Variants in TLL2 observed in about 807,000 individuals in gnomAD.
TLL2 encodes tolloid like 2, also known as tolloid-like protein 2.
Under a neutral mutation model 123.0 loss-of-function variants are expected in TLL2, and 106 were observed. The observed-to-expected ratio is 0.86, with a 90% CI of 0.74 to 1.01. The LOEUF is 1.01. Ranked by LOEUF, TLL2 falls within the 50% of genes least tolerant of loss-of-function variation. The pLI is 0.00. For missense variants in TLL2, 1,332 were observed against 1,336.7 expected, an observed-to-expected ratio of 1.00 and a Z score of 0.06; for synonymous variants, 494 against 516.8, an observed-to-expected ratio of 0.96 and a Z score of 0.60.
intron 5 of TLL2, among the ~76,000 whole-genome samples, chr10:96,427,857 G>A (rs1312329677): frequency 6.6e-6 from 1 of 152,056 alleles, no homozygotes; most frequent in Non-Finnish European, 1.5e-5. Context: ...TGCAATGGCG[G>A]GATCTCGGCT....
At chr10:96,373,849 G>A (rs763557779) in intron 18 of TLL2, 40 bp from the exon 19 acceptor site, 23 of 1,588,128 alleles carry the variant, frequency 1.4e-5, no homozygotes, top group Admixed American at 3.4e-5. Context: ...AGGGCCTGGC[G>A]TTCAGCTGGG....
Position 96,375,332 on chromosome 10 carries a change from C to A in TLL2, c.2448+1360G>T, listed in dbSNP as rs146732845. 3 of 152,318 alleles carry A rather than the reference C, an allele frequency of 2.0e-5. No homozygotes were observed. The East Asian group carries it at 5.8e-4, about 29-fold the overall frequency. 9.4% of individuals were successfully genotyped at this position (152,318 alleles called of 1,614,324 possible). A position where few individuals can be genotyped will look rare whatever the true frequency, so the allele number is the denominator to read the frequency against. On this transcript the variant is annotated intron_variant, in intron 18 of 20. Transcript: ENST00000357947. ...ACATTCTATGGTAGCGAAAAGCGCG[C>A]AATCAATATAGCCACCATCCGTTTC...
chr10:96,415,729 G>GTC (rs149968045), intron 7 of TLL2, among the ~76,000 whole-genome samples: 12 of 8,568 alleles, frequency 1.4e-3, no homozygotes, highest in Non-Finnish European at 1.5e-3. Context: ...CTCTCTCTCT[G>GTC]TCTCTCTCTG....
intron 6 of TLL2, among the ~76,000 whole-genome samples, chr10:96,421,293 C>T (rs903457640): frequency 6.6e-6 from 1 of 152,176 alleles, no homozygotes; most frequent in Non-Finnish European, 1.5e-5. Context: ...CCAAATGCCA[C>T]TCAAACCTCT....
intron 3 of TLL2, among the ~76,000 whole-genome samples, chr10:96,436,324 G>A (rs11817260): frequency 0.011 from 1,650 of 152,240 alleles, 31 homozygotes; most frequent in African/African-American, 0.037. Flanking sequence ...GCCTTCCTTG[G>A]TAAGCTAATA....
chr10:96,378,535 C>T (rs1846157893), intron 17 of TLL2, among the ~76,000 whole-genome samples: 1 of 152,216 alleles, frequency 6.6e-6, no homozygotes, highest in Admixed American at 6.5e-5. Flanking sequence ...GAGGACATAA[C>T]ATGTGTCAGA....
rs186578004 is a variant in TLL2, at chr10:96,492,107, A to G, written c.176-11648T>C. ...CTTTTCTCCATTGACAGCAGAAGCA[A>G]GCAGCACTCACTGTGTCCCTGGGAC... On this transcript the variant is annotated intron_variant, in intron 1 of 20. Coordinates refer to ENST00000357947, the MANE Select transcript of TLL2 (RefSeq NM_012465.4). Among the ~76,000 whole-genome samples the G allele has an allele frequency of 1.8e-3, 274 of 152,194 alleles. 2 individuals are homozygous for G. Among genetic ancestry groups the G allele is most frequent in the South Asian group, 2.9e-3 (14 of 4,826 alleles).
At chr10:96,397,391 AC>A in intron 10 of TLL2, 89 bp from the exon 11 acceptor site, 1 of 1,027,224 alleles carries the variant, frequency 9.7e-7, no homozygotes, top group Non-Finnish European at 1.4e-6. Flanking sequence ...GGTTCTTCAC[AC>A]GTGGTTTGAA....
intron 13 of TLL2, among the ~76,000 whole-genome samples, chr10:96,392,855 A>C (rs889953853): frequency 6.6e-6 from 1 of 152,178 alleles, no homozygotes. Context: ...TAAATGAAGG[A>C]TCTTGGAGAT....
chr10:96,386,269 T>G (rs1846234527), intron 14 of TLL2, 54 bp from the exon 15 acceptor site: 1 of 1,475,576 alleles, frequency 6.8e-7, no homozygotes, highest in Non-Finnish European at 9.0e-7. Context: ...CAGGTGACTG[T>G]GATTTCCCAC....
chr10:96,497,073 G>A (rs932183881), intron 1 of TLL2, among the ~76,000 whole-genome samples: 4 of 151,898 alleles, frequency 2.6e-5, no homozygotes, highest in African/African-American at 9.7e-5. Flanking sequence ...TTGAGATCAG[G>A]AGTTTAAAAC....
At chr10:96,423,312 T>A (rs1846645041) in intron 5 of TLL2, among the ~76,000 whole-genome samples, 1 of 152,056 alleles carries the variant, frequency 6.6e-6, no homozygotes, top group Admixed American at 6.5e-5. Context: ...ATAAAGTCCA[T>A]ACCATACTCT....
chr10:96,405,763 C>A (rs1174369259), intron 9 of TLL2, among the ~76,000 whole-genome samples: 3 of 152,214 alleles, frequency 2.0e-5, no homozygotes, highest in Non-Finnish European at 4.4e-5. Context: ...CTGAACATCT[C>A]TGCGATCAAC....
At chr10:96,379,938 C>T (rs538760467) in intron 16 of TLL2, among the ~76,000 whole-genome samples, 1 of 152,340 alleles carries the variant, frequency 6.6e-6, no homozygotes, top group Non-Finnish European at 1.5e-5. Flanking sequence ...GCCGCGACTC[C>T]ACCCCGCCCT....
intron 19 of TLL2, chr10:96,373,329 C>CG (rs1846102230): frequency 2.8e-6 from 1 of 361,142 alleles, no homozygotes; most frequent in African/African-American, 2.1e-5. Flanking sequence ...TTAGTAGAGA[C>CG]GGGGTTTCAC....
chr10:96,404,111 A>G (rs148070329), intron 10 of TLL2, among the ~76,000 whole-genome samples: 3,009 of 150,994 alleles, frequency 0.02, 52 homozygotes, highest in Middle Eastern at 0.075. Context: ...GAACTCAGAG[A>G]CCGGTGCCGA....
chr10:96,434,960 G>A (rs149685290), intron 3 of TLL2, among the ~76,000 whole-genome samples: 11 of 151,084 alleles, frequency 7.3e-5, no homozygotes, highest in South Asian at 4.2e-4. Context: ...TCTCTTCCAC[G>A]TACTTGGTGG....
At chr10:96,449,961 A>G (rs529904437) in intron 2 of TLL2, among the ~76,000 whole-genome samples, 6 of 151,674 alleles carry the variant, frequency 4.0e-5, no homozygotes, top group Non-Finnish European at 8.8e-5. Context: ...CTTATTCACC[A>G]CCCTCTCCAC....
At chr10:96,459,350 C>T (rs780320237) in intron 2 of TLL2, among the ~76,000 whole-genome samples, 5 of 151,838 alleles carry the variant, frequency 3.3e-5, no homozygotes, top group Admixed American at 6.6e-5. Context: ...CATATAAGGC[C>T]GGATGCAGTT....
Sources: allele counts gnomAD v4.1 joint callset (sites outside exome capture counted in the v4.1 genomes callset), GRCh38; gene constraint gnomAD v4.1.1; transcripts MANE v1.5; gene names NCBI Gene and HGNC (gene_info 2026-07-23, HGNC 2026-07-21).